Variants in KIF1A observed in about 807,000 individuals in gnomAD.
KIF1A encodes kinesin family member 1A, also known as kinesin-like protein KIF1A.
In KIF1A, 46 loss-of-function variants were observed where a neutral mutation model predicts 227.3. That is an observed-to-expected ratio of 0.20 (90% CI 0.16 to 0.26). KIF1A has a LOEUF of 0.26. KIF1A is among the 10% of genes least tolerant of loss of function. The probability of loss-of-function intolerance (pLI) is 1.00; values close to 1 mark genes in which losing one functional copy is unlikely to be tolerated. For synonymous variants in KIF1A, 1,022 were observed against 1,012.8 expected (o/e 1.01, Z -0.17); for missense variants, 1,683 against 2,485.9 (o/e 0.68, Z 6.87).
chr2:240,753,739 T>C (rs1334422197), intron 27 of KIF1A, among the ~76,000 whole-genome samples: 1 of 152,088 alleles, frequency 6.6e-6, no homozygotes, highest in East Asian at 1.9e-4. Context: ...CACCCTTCTT[T>C]CTTAGAGATG....
chr2:240,762,600 C>G (rs2050666386), intron 23 of KIF1A, 119 bp downstream of exon 23: 1 of 1,335,296 alleles, frequency 7.5e-7, no homozygotes, highest in South Asian at 2.0e-5. Flanking sequence ...CCTAAAGAGA[C>G]AGGTCCAGAC....
At position 240,769,654 on chromosome 2, in the gene KIF1A, C is replaced by T. The variant is rs779186742; in HGVS notation, c.1394G>A (p.Arg465Gln). ...CTCCATCCGGATGGCTTCTGTCCGCCGCAGCTTCTCCTCCCAGGTCTCATT... is the reference window on the plus strand; with the variant it reads ...CTCCATCCGGATGGCTTCTGTCCGCTGCAGCTTCTCCTCCCAGGTCTCATT... ...ELNETWEEKLRRTEAIRMERE... is the reference protein window; with the variant it reads ...ELNETWEEKLQRTEAIRMERE... The change falls in exon 16 of 49, where the codon CGG becomes CAG. Residue 465 changes from arginine to glutamine, a missense_variant. Coordinates refer to ENST00000498729, the MANE Select transcript of KIF1A (RefSeq NM_001244008.2). The T allele has an allele frequency of 1.3e-5, 21 of 1,613,518 alleles. No homozygotes were observed. Among genetic ancestry groups the T allele is most frequent in the South Asian group, 2.2e-5 (2 of 91,070 alleles).
Position 240,718,921 on chromosome 2 carries a change from T to C in KIF1A, c.5214+85A>G, listed in dbSNP as rs77507271. 0.02 allele frequency: 22,899 copies of C among 1,153,440 alleles called. 1,310 individuals are homozygous for C. Among genetic ancestry groups the C allele is most frequent in the African/African-American group, 0.15 (10,049 of 65,000 alleles). The allele number at this position is 1,153,440 out of a possible 1,614,324, so 71.5% of individuals were successfully genotyped here. ...GGGTGAGCAGATGGGCCTCCTGCTC[T>C]GACGCAGGGCTGCAGAGGATGGTGG... On this transcript the variant is annotated intron_variant, in intron 47 of 48. Coordinates refer to ENST00000498729, the MANE Select transcript of KIF1A (RefSeq NM_001244008.2).
chr2:240,744,607 G>C (rs866186244), intron 32 of KIF1A, among the ~76,000 whole-genome samples: 15 of 152,332 alleles, frequency 9.8e-5, no homozygotes, highest in Admixed American at 2.0e-4. Context: ...ACACGCAGAG[G>C]GGGAGGGCCA....
rs1309697031 is a variant in KIF1A at position 240,758,492 on chromosome 2, C to T, written c.2450G>A (p.Arg817His). The T allele has an allele frequency of 1.3e-6, 2 of 1,584,960 alleles. No individual in the cohort carries two copies. Among genetic ancestry groups the T allele is most frequent in the Non-Finnish European group, 1.7e-6 (2 of 1,164,492 alleles). Residue 817 changes from arginine to histidine, a missense_variant, in exon 26 of 49, where the codon CGT becomes CAT. Physicochemically the swap from Arg to His is conservative, Grantham distance 29. Transcript: ENST00000498729. This position sits in a 1 kb window ranked among gnomAD's most constrained non-coding sequence, Gnocchi z 5.2. ...HYWTLEKLRQ[R>H]LDLMREMYDR... ...GTACATCTCCCGCATCAGGTCCAGACGCTGCCTGCAGGGACGGCAGGGGTC... is the reference window on the plus strand; with the variant it reads ...GTACATCTCCCGCATCAGGTCCAGATGCTGCCTGCAGGGACGGCAGGGGTC...
At chr2:240,821,343 A>G (rs986468535), upstream of KIF1A, among the ~76,000 whole-genome samples, 1 of 152,212 alleles carries the variant, frequency 6.6e-6, no homozygotes, top group African/African-American at 2.4e-5. Context: ...GCTTCACCTC[A>G]GTCCCGACAG....
At chr2:240,744,128 A>G in intron 32 of KIF1A, 68 bp from the exon 33 acceptor site, 1 of 1,087,416 alleles carries the variant, frequency 9.2e-7, no homozygotes. Context: ...AAGGAGAGTC[A>G]CATCAGTGAG....
At chr2:240,744,862 G>T (rs2048400498) in intron 32 of KIF1A, among the ~76,000 whole-genome samples, 1 of 151,998 alleles carries the variant, frequency 6.6e-6, no homozygotes, top group Non-Finnish European at 1.5e-5. Flanking sequence ...GGCACTCAAG[G>T]CCTGGCTCCC....
At chr2:240,784,654 T>C (rs1238130207) in intron 7 of KIF1A, among the ~76,000 whole-genome samples, 1 of 152,098 alleles carries the variant, frequency 6.6e-6, no homozygotes, top group Non-Finnish European at 1.5e-5. Flanking sequence ...AGCTGGGGCA[T>C]GAGGGCAGGG....
At chr2:240,774,082 A>C in intron 12 of KIF1A, 101 bp downstream of exon 12, 3 of 698,642 alleles carry the variant, frequency 4.3e-6, no homozygotes, top group Non-Finnish European at 7.5e-6. Context: ...CCTCACAAAG[A>C]GTCGCCCCTG....
intron 20 of KIF1A, 61 bp from the exon 21 acceptor site, chr2:240,763,407 C>T (rs2050769887): frequency 6.8e-7 from 1 of 1,478,842 alleles, no homozygotes. Flanking sequence ...CTGATGGTCT[C>T]AAGCGGGGAG....
At chr2:240,774,330 TC>T (rs1178016927) in intron 11 of KIF1A, 69 bp from the exon 12 acceptor site, 25 of 1,009,506 alleles carry the variant, frequency 2.5e-5, no homozygotes, top group Middle Eastern at 2.1e-4. Context: ...GCTCCCCCCT[TC>T]CCCCCACATT....
At chr2:240,750,612 G>T in intron 27 of KIF1A, 65 bp from the exon 28 acceptor site, 1 of 1,178,276 alleles carries the variant, frequency 8.5e-7, no homozygotes, top group South Asian at 1.3e-5. Context: ...CGGCAGCGGT[G>T]GCAGCATGGC....
intron 20 of KIF1A, 56 bp downstream of exon 20, chr2:240,765,654 A>C (rs1007863250): frequency 1.0e-5 from 14 of 1,386,844 alleles, no homozygotes; most frequent in Non-Finnish European, 1.3e-5. Flanking sequence ...ATGGGAACAG[A>C]GGCCTCGCCT....
At chr2:240,741,225 C>T (rs2047922712) in intron 35 of KIF1A, 44 bp downstream of exon 35, 1 of 1,364,196 alleles carries the variant, frequency 7.3e-7, no homozygotes, top group East Asian at 2.5e-5. Flanking sequence ...CGCGCACCCC[C>T]CGACACACAC....
At position 240,763,146 on chromosome 2, in the gene KIF1A, G is replaced by A. The variant is rs2050740037; in HGVS notation, c.1949+20C>T. 1.9e-6 allele frequency: 3 copies of A among 1,605,434 alleles called. No individual in the cohort carries two copies. Among genetic ancestry groups the A allele is most frequent in the East Asian group, 4.5e-5 (2 of 44,786 alleles). ...AGGGCAGGAGGGGCAGCAGGCAGTTGGGGGTGGCCTCCGCCTCACCTCTGC... is the reference window on the plus strand; with the variant it reads ...AGGGCAGGAGGGGCAGCAGGCAGTTAGGGGTGGCCTCCGCCTCACCTCTGC... On this transcript the variant is annotated intron_variant, in intron 21 of 48. Transcript: ENST00000498729.
intron 1 of KIF1A, among the ~76,000 whole-genome samples, chr2:240,798,204 G>A (rs1489562136): frequency 2.6e-5 from 4 of 152,232 alleles, no homozygotes; most frequent in African/African-American, 4.8e-5. Context: ...GCTCCAGATC[G>A]ACATGTCAAG....
At chr2:240,780,522 C>T (rs539769782) in intron 10 of KIF1A, among the ~76,000 whole-genome samples, 1 of 152,156 alleles carries the variant, frequency 6.6e-6, no homozygotes, top group Admixed American at 6.6e-5. Flanking sequence ...CATACTTTCC[C>T]GTAGCTGCAC....
Position 240,741,274 on chromosome 2 carries a change from G to A in KIF1A, c.3744C>T (p.Asn1248=), listed in dbSNP as rs771357052. The A allele has an allele frequency of 1.4e-5, 23 of 1,588,934 alleles. No individual in the cohort carries two copies. Among genetic ancestry groups the A allele is most frequent in the Middle Eastern group, 1.7e-4 (1 of 6,038 alleles). The part of the protein sequence containing the change: ...VYFEICELEA[N]GDYIPAVVDH... ...GCCCCAGCACCAGCACTCACTCGCC[G>A]TTGGCCTCCAGCTCACAGATCTCGA... The change falls in exon 35 of 49, where the codon AAC becomes AAT. Residue 1248 remains asparagine (N), a synonymous_variant. Coordinates refer to ENST00000498729, the MANE Select transcript of KIF1A (RefSeq NM_001244008.2).
Sources: gnomAD v4.1 joint callset for allele counts (sites outside exome capture counted in the v4.1 genomes callset) on GRCh38, gnomAD v4.1.1 for gene constraint, Gnocchi (gnomAD v3.1) non-coding constraint, MANE v1.5 for transcripts, NCBI Gene and HGNC (gene_info 2026-07-23, HGNC 2026-07-21) for gene names.